The following FAM184B variants were observed in gnomAD, a reference collection of about 807,000 sequenced individuals.
FAM184B encodes the protein family with sequence similarity 184 member B.
A neutral mutation model predicts 135.9 loss-of-function variants in FAM184B; 111 were observed. The ratio of observed to expected loss-of-function variants is 0.82; its 90% CI spans 0.70 to 0.96. The LOEUF (loss-of-function observed/expected upper bound fraction) is 0.96. FAM184B is among the 40% of genes least tolerant of loss of function. The pLI, the probability that FAM184B is intolerant of heterozygous loss-of-function variation, is 0.00. For missense variants in FAM184B, 1,375 were observed against 1,323.9 expected (o/e 1.04, Z -0.60); for synonymous variants, 552 against 524.8 (o/e 1.05, Z -0.71).
chr4:17,754,626 TC>T (rs2108989855), intron 1 of FAM184B, among the ~76,000 whole-genome samples: 1 of 149,328 alleles, frequency 6.7e-6, no homozygotes, highest in South Asian at 2.1e-4. Flanking sequence ...TACTGACACA[TC>T]CTGGGTGGAA....
chr4:17,778,687 C>T (rs986372892), intron 1 of FAM184B, among the ~76,000 whole-genome samples: 1 of 151,986 alleles, frequency 6.6e-6, no homozygotes, highest in Admixed American at 6.6e-5. Flanking sequence ...TCTATTTCTA[C>T]AAAAAATTTT....
chr4:17,777,049 G>A (rs1324924578), intron 1 of FAM184B, among the ~76,000 whole-genome samples: 1 of 152,142 alleles, frequency 6.6e-6, no homozygotes, highest in Non-Finnish European at 1.5e-5. Context: ...ATAAAGACTT[G>A]CACGTGAATG....
chr4:17,642,765 G>T (rs1384177364), intron 12 of FAM184B, among the ~76,000 whole-genome samples: 1 of 152,192 alleles, frequency 6.6e-6, no homozygotes, highest in Non-Finnish European at 1.5e-5. Flanking sequence ...GTAGCACCTA[G>T]CCTGGTGTAT....
chr4:17,738,380 C>T (rs1347570439), intron 1 of FAM184B, among the ~76,000 whole-genome samples: 1 of 152,036 alleles, frequency 6.6e-6, no homozygotes, highest in African/African-American at 2.4e-5. Flanking sequence ...ATCTGCCTAA[C>T]AGCAACAAAT....
intron 1 of FAM184B, among the ~76,000 whole-genome samples, chr4:17,768,527 G>A (rs929764341): frequency 1.4e-4 from 21 of 152,162 alleles, no homozygotes; most frequent in African/African-American, 3.1e-4. Context: ...TACCCGCCTC[G>A]GCCTCCCAAA....
At chr4:17,637,184 G>A (rs1009474596) in intron 14 of FAM184B, among the ~76,000 whole-genome samples, 2 of 152,120 alleles carry the variant, frequency 1.3e-5, no homozygotes, top group East Asian at 1.9e-4. Flanking sequence ...GCGCGCCACC[G>A]TGCCAGGGAA....
rs547725871 is a variant in FAM184B at position 17,741,459 on chromosome 4, C to T, written c.142-31815G>A. ...CTGTAATCTCAGCACTTTGGGAGGCCGAGGCAGGTGGATCACCTGAGGTCA... is the reference window on the plus strand; with the variant it reads ...CTGTAATCTCAGCACTTTGGGAGGCTGAGGCAGGTGGATCACCTGAGGTCA... On this transcript the variant is annotated intron_variant, in intron 1 of 17. Coordinates refer to ENST00000265018, the MANE Select transcript of FAM184B (RefSeq NM_015688.2). Among the ~76,000 whole-genome samples, 20 of 152,028 alleles carry T rather than the reference C, an allele frequency of 1.3e-4. No individual in the cohort carries two copies. In the East Asian group the frequency reaches 1.7e-3, roughly 13 times the overall value.
chr4:17,652,099 G>A (rs1307719775), intron 11 of FAM184B, among the ~76,000 whole-genome samples: 1 of 148,478 alleles, frequency 6.7e-6, no homozygotes, highest in Non-Finnish European at 1.5e-5. Flanking sequence ...CTGGGCTCCT[G>A]TTATATGCTA....
At chr4:17,670,699 A>C (rs559041180) in intron 7 of FAM184B, among the ~76,000 whole-genome samples, 1 of 152,252 alleles carries the variant, frequency 6.6e-6, no homozygotes, top group East Asian at 1.9e-4. Flanking sequence ...TGAAGTAGCC[A>C]GGAAAGGCAC....
intron 12 of FAM184B, among the ~76,000 whole-genome samples, chr4:17,645,931 A>T (rs1327511149): frequency 6.6e-6 from 1 of 152,212 alleles, no homozygotes; most frequent in Non-Finnish European, 1.5e-5. Flanking sequence ...ATGAACAGAC[A>T]CTTCTCAAAA....
intron 1 of FAM184B, among the ~76,000 whole-genome samples, chr4:17,777,164 T>A (rs1340048597): frequency 6.6e-6 from 1 of 152,088 alleles, no homozygotes; most frequent in Non-Finnish European, 1.5e-5. Flanking sequence ...TAGAACAGGA[T>A]AAATAAGTAA....
chr4:17,659,835 C>T (rs894145250), intron 9 of FAM184B, 123 bp downstream of exon 9: 22 of 1,303,602 alleles, frequency 1.7e-5, no homozygotes, highest in Non-Finnish European at 8.3e-6. Context: ...TCCCACTTTG[C>T]CCTGGTCCTG....
intron 7 of FAM184B, among the ~76,000 whole-genome samples, chr4:17,666,192 G>A (rs1021322082): frequency 1.3e-5 from 2 of 151,934 alleles, no homozygotes; most frequent in Non-Finnish European, 2.9e-5. Context: ...TGTGACCTTG[G>A]GAAAATTACT....
intron 5 of FAM184B, 110 bp downstream of exon 5, chr4:17,704,890 G>T: frequency 1.1e-6 from 1 of 909,096 alleles, no homozygotes; most frequent in Non-Finnish European, 1.7e-6. Context: ...TTTGTACAGA[G>T]CAGGAGCTCA....
chr4:17,675,126 C>T (rs1309197312), intron 7 of FAM184B, among the ~76,000 whole-genome samples: 1 of 152,216 alleles, frequency 6.6e-6, no homozygotes, highest in East Asian at 1.9e-4. Flanking sequence ...CAGCTATAAC[C>T]TTATGAAATG....
chr4:17,707,839 C>A, intron 2 of FAM184B, 55 bp from the exon 3 acceptor site: 2 of 1,540,794 alleles, frequency 1.3e-6, no homozygotes, highest in Non-Finnish European at 1.8e-6. Context: ...ATAGAGACAT[C>A]CTGTGTACAC....
intron 5 of FAM184B, among the ~76,000 whole-genome samples, chr4:17,703,920 A>C (rs890506051): frequency 7.3e-5 from 9 of 123,986 alleles, no homozygotes; most frequent in Admixed American, 2.5e-4. Flanking sequence ...ACAGACCAAG[A>C]CTCCGTTTCA....
At chr4:17,745,260 G>A (rs187000092) in intron 1 of FAM184B, among the ~76,000 whole-genome samples, 5 of 152,254 alleles carry the variant, frequency 3.3e-5, no homozygotes, top group Non-Finnish European at 4.4e-5. Context: ...AACATGTTGC[G>A]GTGGCCATGG....
At chr4:17,636,759 C>G in intron 14 of FAM184B, 114 bp from the exon 15 acceptor site, 2 of 898,462 alleles carry the variant, frequency 2.2e-6, no homozygotes, top group Non-Finnish European at 3.3e-6. Flanking sequence ...CCAGGGAGGC[C>G]CAGATAGCAG....
Sources: allele counts gnomAD v4.1 joint callset (sites outside exome capture counted in the v4.1 genomes callset), GRCh38; gene constraint gnomAD v4.1.1; transcripts MANE v1.5; gene names NCBI Gene and HGNC (gene_info 2026-07-23, HGNC 2026-07-21).